The following MAGI2 variants were observed in gnomAD, a reference collection of about 807,000 sequenced individuals.
MAGI2 encodes the protein membrane-associated guanylate kinase, WW and PDZ domain-containing protein 2.
MAGI2 carries 35 observed loss-of-function variants against 133.3 expected under a neutral mutation model. The observed-to-expected ratio is 0.26, with a 90% CI of 0.20 to 0.35. MAGI2 has a LOEUF of 0.35. Among genes scored for constraint, MAGI2 ranks in the 10% least tolerant of loss-of-function variants. The pLI, the probability that MAGI2 is intolerant of heterozygous loss-of-function variation, is 1.00. For synonymous variants in MAGI2, 729 were observed against 710.6 expected, an observed-to-expected ratio of 1.03 and a Z score of -0.41; for missense variants, 1,636 against 1,863.4, an observed-to-expected ratio of 0.88 and a Z score of 2.25.
chr7:78,567,997 T>TTTCTC (rs1382111017), intron 3 of MAGI2: 2 of 152,254 alleles, frequency 1.3e-5, no homozygotes, highest in African/African-American at 4.8e-5. Flanking sequence ...GTCTTCGTCT[T>TTTCTC]AGCTGAGCTG....
At chr7:78,471,159 C>A (rs1000895190) in intron 6 of MAGI2, among the ~76,000 whole-genome samples, 3 of 151,994 alleles carry the variant, frequency 2.0e-5, no homozygotes, top group Non-Finnish European at 4.4e-5. Context: ...TTAAGAAGAC[C>A]ATACATAGGA....
intron 4 of MAGI2, among the ~76,000 whole-genome samples, chr7:78,505,642 G>A (rs574550700): frequency 5.2e-4 from 79 of 152,292 alleles, no homozygotes; most frequent in Non-Finnish European, 1.0e-3. Flanking sequence ...CTCAACTGGT[G>A]CCAGACACTG....
At chr7:78,197,414 T>G (rs1436533045) in intron 11 of MAGI2, among the ~76,000 whole-genome samples, 1 of 152,238 alleles carries the variant, frequency 6.6e-6, no homozygotes, top group East Asian at 1.9e-4. Flanking sequence ...AGCAAATGTC[T>G]ATTTCTTTCT....
intron 2 of MAGI2, among the ~76,000 whole-genome samples, chr7:78,689,261 A>G (rs190660555): frequency 1.3e-5 from 2 of 152,292 alleles, no homozygotes; most frequent in East Asian, 1.9e-4. Flanking sequence ...ATAGATTATA[A>G]CCACAGTACA....
intron 1 of MAGI2, among the ~76,000 whole-genome samples, chr7:79,113,811 T>TACAC (rs3047688): frequency 0.59 from 87,685 of 148,836 alleles, 28,540 homozygotes; most frequent in Non-Finnish European, 0.73. Context: ...TACACACGCT[T>TACAC]ACACACACAC....
At chr7:78,539,217 C>A (rs914505122) in intron 3 of MAGI2, among the ~76,000 whole-genome samples, 2 of 152,206 alleles carry the variant, frequency 1.3e-5, no homozygotes, top group Non-Finnish European at 2.9e-5. Flanking sequence ...ATGTTTTAAT[C>A]ATAAAGGGAC....
chr7:79,121,403 C>T (rs1380189299), intron 1 of MAGI2, among the ~76,000 whole-genome samples: 1 of 152,006 alleles, frequency 6.6e-6, no homozygotes, highest in African/African-American at 2.4e-5. Flanking sequence ...ATGTTTGGAA[C>T]CTTTCTTTTG....
In MAGI2 at chr7:78,290,873, G is replaced by A. The variant is rs549489982; in HGVS notation, c.1409-34292C>T. Reference sequence around the variant, plus strand: ...ATGAAATGAAGGCAGAAATAAAGATGTTCTTTGAAACCAATGAGAACAAAG... The same window carrying A: ...ATGAAATGAAGGCAGAAATAAAGATATTCTTTGAAACCAATGAGAACAAAG... On this transcript the variant is annotated intron_variant, in intron 9 of 21. Coordinates refer to ENST00000354212, the MANE Select transcript of MAGI2 (RefSeq NM_012301.4). Among the ~76,000 whole-genome samples, 10 of 152,252 alleles carry A rather than the reference G, an allele frequency of 6.6e-5. No homozygotes were observed. In the South Asian group the frequency reaches 2.1e-3, roughly 32 times the overall value.
intron 1 of MAGI2, among the ~76,000 whole-genome samples, chr7:79,184,714 C>A (rs1243673033): frequency 6.6e-6 from 1 of 151,670 alleles, no homozygotes; most frequent in Non-Finnish European, 1.5e-5. Context: ...CTAATATTTG[C>A]AAACTTAAAT....
chr7:78,081,873 G>A (rs1445211226), intron 20 of MAGI2, among the ~76,000 whole-genome samples: 1 of 152,194 alleles, frequency 6.6e-6, no homozygotes, highest in African/African-American at 2.4e-5. Flanking sequence ...CTATCCAAGT[G>A]AGACATTAGG....
chr7:78,595,664 A>C (rs1025306044), intron 3 of MAGI2, among the ~76,000 whole-genome samples: 5 of 152,200 alleles, frequency 3.3e-5, no homozygotes, highest in Non-Finnish European at 5.9e-5. Flanking sequence ...GTTCATTTTT[A>C]TTCACTGTAT....
rs530476262 is a variant in MAGI2, at chr7:78,845,645, T to C, written c.418+161445A>G. Among the ~76,000 whole-genome samples, 139 of 152,034 alleles carry C rather than the reference T, an allele frequency of 9.1e-4. 1 individual carries two copies. Among genetic ancestry groups the C allele is most frequent in the Non-Finnish European group, 1.7e-3 (113 of 67,894 alleles). On this transcript the variant is annotated intron_variant, in intron 2 of 21. Coordinates refer to ENST00000354212, the MANE Select transcript of MAGI2 (RefSeq NM_012301.4). The stretch of plus-strand genomic sequence containing the variant: ...GGTATGGGAAACCACTGTGGATAGC[T>C]GAAGAAAAATATCATATTAATGTGA...
chr7:78,894,387 C>G (rs1368091603), intron 2 of MAGI2, among the ~76,000 whole-genome samples: 1 of 151,600 alleles, frequency 6.6e-6, no homozygotes, highest in African/African-American at 2.4e-5. Context: ...GACTCTGTCT[C>G]AAAACAAACA....
rs777837111 is a variant in MAGI2 at position 78,521,630 on chromosome 7, G to A, written c.554C>T (p.Thr185Ile). ...TGCTGGTTCTGCTGGCGGCTTTGGG[G>A]TACCGTAGTAATTGTCTGCAAACAA... ...SGTYEDNYYG[T>I]PKPPAEPAPL... The change falls in exon 4 of 22, where the codon ACC (threonine) becomes ATC (isoleucine). Residue 185 changes from threonine (T) to isoleucine (I), a missense_variant. By Grantham distance (89) the Thr-to-Ile change is moderately conservative. This residue lies in a region of MAGI2 where 148 missense variants were observed against 239.0 expected (regional missense o/e 0.62). Transcript: ENST00000354212. 11 of 1,614,060 alleles carry A rather than the reference G, an allele frequency of 6.8e-6. No individual in the cohort carries two copies. Among genetic ancestry groups the A allele is most frequent in the Non-Finnish European group, 6.8e-6 (8 of 1,179,980 alleles).
intron 2 of MAGI2, among the ~76,000 whole-genome samples, chr7:78,898,774 C>A (rs1208556410): frequency 6.6e-6 from 1 of 152,070 alleles, no homozygotes; most frequent in Non-Finnish European, 1.5e-5. Context: ...ACTTATATAC[C>A]AAACCTGCAC....
intron 3 of MAGI2, among the ~76,000 whole-genome samples, chr7:78,591,197 A>G (rs909824527): frequency 6.6e-6 from 1 of 152,218 alleles, no homozygotes; most frequent in South Asian, 2.1e-4. Context: ...GAGATTTTAC[A>G]TGATTATCAA....
chr7:78,640,565 T>C (rs542862220), intron 2 of MAGI2, among the ~76,000 whole-genome samples: 1 of 152,102 alleles, frequency 6.6e-6, no homozygotes, highest in East Asian at 1.9e-4. Flanking sequence ...TTTAGAGAGA[T>C]CAAGACAACA....
chr7:79,314,185 G>A (rs1838525783), intron 1 of MAGI2, among the ~76,000 whole-genome samples: 1 of 152,130 alleles, frequency 6.6e-6, no homozygotes, highest in Non-Finnish European at 1.5e-5. Context: ...TGTTGGCCAT[G>A]CTGGTCTGAA....
chr7:78,280,682 G>GGT (rs1795474823), intron 9 of MAGI2, among the ~76,000 whole-genome samples: 1 of 151,962 alleles, frequency 6.6e-6, no homozygotes, highest in South Asian at 2.1e-4. Flanking sequence ...AGGAGTAAGT[G>GGT]GTGGAGCCAG....
Sources: allele counts gnomAD v4.1 joint callset (sites outside exome capture counted in the v4.1 genomes callset), GRCh38; gene constraint gnomAD v4.1.1; regional missense constraint gnomAD v4.1.1; transcripts MANE v1.5; gene names NCBI Gene and HGNC (gene_info 2026-07-23, HGNC 2026-07-21).